Variants in SHROOM2 observed in about 807,000 individuals in gnomAD.
SHROOM2 encodes protein Shroom2.
A neutral mutation model predicts 75.9 loss-of-function variants in SHROOM2; 33 were observed. The ratio of observed to expected loss-of-function variants is 0.43; its 90% CI spans 0.33 to 0.58. The LOEUF (loss-of-function observed/expected upper bound fraction) is 0.58. SHROOM2 is among the 20% of genes least tolerant of loss of function. The pLI is 0.04. For missense variants in SHROOM2, 1,434 were observed against 1,461.2 expected (o/e 0.98, Z 0.30); for synonymous variants, 655 against 663.6 (o/e 0.99, Z 0.20).
chrX:9,935,014 C>T (rs2084687227), intron 6 of SHROOM2, among the ~76,000 whole-genome samples: 1 of 111,433 alleles, frequency 9.0e-6, no homozygotes, highest in Admixed American at 9.6e-5. Context: ...CTCAGGTGAT[C>T]TGTCTGCTTC....
At position 9,939,127 on chromosome X, in the gene SHROOM2, G is replaced by T. The variant is rs956205807; in HGVS notation, c.4140-68G>T. 9 of 988,827 alleles carry T rather than the reference G, an allele frequency of 9.1e-6. No homozygotes were observed. The African/African-American group carries it at 9.7e-5, about 11-fold the overall frequency. The allele number at this position is 988,827 out of a possible 1,213,427, so 81.5% of individuals were successfully genotyped here. A position where few individuals can be genotyped will look rare whatever the true frequency, so the allele number is the denominator to read the frequency against. ...CCAGTGTTGATTTGTCACAACCCAG[G>T]GGGTGGGGCAGAGGGGCTGTTTGCG... On this transcript the variant is annotated intron_variant, in intron 7 of 9. Coordinates refer to ENST00000380913, the MANE Select transcript of SHROOM2 (RefSeq NM_001649.4).
intron 6 of SHROOM2, among the ~76,000 whole-genome samples, chrX:9,936,131 T>G (rs368638638): frequency 1.2e-3 from 131 of 109,671 alleles, no homozygotes; most frequent in African/African-American, 4.4e-3. Context: ...GGAGTCTTGC[T>G]CTGTTGCCCA....
chrX:9,807,302 G>A (rs1221332355), intron 1 of SHROOM2, among the ~76,000 whole-genome samples: 2 of 112,304 alleles, frequency 1.8e-5, no homozygotes, highest in African/African-American at 6.5e-5. Context: ...CTGCATTCAA[G>A]CATCAAGCCT....
At position 9,911,796 on chromosome X, in the gene SHROOM2, G is replaced by A. The variant is rs149418617; in HGVS notation, c.2891+13506G>A. Among the ~76,000 whole-genome samples, 573 of 111,421 alleles carry A rather than the reference G, an allele frequency of 5.1e-3. 3 individuals carry two copies. The highest frequency in any genetic ancestry group is 0.018 in the African/African-American group (539 of 30,637). On this transcript the variant is annotated intron_variant, in intron 5 of 9. Coordinates refer to ENST00000380913, the MANE Select transcript of SHROOM2 (RefSeq NM_001649.4). ...GTGTGTAATCAACCCAAGAATATAT[G>A]GACATAGAATAGGCTGTTGAATGTT...
At chrX:9,843,672 A>G (rs907902020) in intron 1 of SHROOM2, among the ~76,000 whole-genome samples, 1 of 112,635 alleles carries the variant, frequency 8.9e-6, no homozygotes, top group Admixed American at 9.4e-5. Flanking sequence ...AAGTGCTGGG[A>G]TTACAGGCGT....
At chrX:9,823,899 T>C (rs1209110116) in intron 1 of SHROOM2, among the ~76,000 whole-genome samples, 12 of 108,671 alleles carry the variant, frequency 1.1e-4, no homozygotes, top group Admixed American at 1.1e-3. Flanking sequence ...GCTGGGACTA[T>C]AGGCATGTAC....
chrX:9,922,658 C>T (rs954422647), intron 5 of SHROOM2, among the ~76,000 whole-genome samples: 31 of 111,537 alleles, frequency 2.8e-4, no homozygotes, highest in African/African-American at 1.0e-3. Context: ...GATCCACTCA[C>T]CAGTAGGTGG....
chrX:9,901,336 G>T (rs1185459490), intron 5 of SHROOM2, among the ~76,000 whole-genome samples: 1 of 111,722 alleles, frequency 9.0e-6, no homozygotes, highest in African/African-American at 3.3e-5. Context: ...TGATTTTGTG[G>T]GGCACAGTTC....
chrX:9,871,053 C>T (rs773441871), intron 1 of SHROOM2, among the ~76,000 whole-genome samples: 246 of 111,479 alleles, frequency 2.2e-3, no homozygotes, highest in African/African-American at 7.8e-3. Context: ...ACTAAAGACC[C>T]GAAGGCTCCA....
At chrX:9,829,294 G>A (rs1267682164) in intron 1 of SHROOM2, among the ~76,000 whole-genome samples, 1 of 112,547 alleles carries the variant, frequency 8.9e-6, no homozygotes, top group Non-Finnish European at 1.9e-5. Context: ...AAAGTGCTGA[G>A]ATTACAGGCA....
chrX:9,822,979 A>G (rs750767634), intron 1 of SHROOM2, among the ~76,000 whole-genome samples: 142 of 33,635 alleles, frequency 4.2e-3, no homozygotes, highest in Non-Finnish European at 7.7e-3. Context: ...GAGAATAAGA[A>G]TAATAATTCT....
At chrX:9,901,937 G>A (rs975431335) in intron 5 of SHROOM2, among the ~76,000 whole-genome samples, 4 of 103,803 alleles carry the variant, frequency 3.9e-5, no homozygotes, top group Non-Finnish European at 7.9e-5. Flanking sequence ...TGGATGGACA[G>A]ATGGGTGGTT....
At chrX:9,896,805 C>G (rs2084335406) in intron 4 of SHROOM2, 107 bp downstream of exon 4, 2 of 884,167 alleles carry the variant, frequency 2.3e-6, no homozygotes, top group South Asian at 5.8e-5. Context: ...GCTGTGCGAG[C>G]ATTTACCTTT....
intron 2 of SHROOM2, among the ~76,000 whole-genome samples, chrX:9,884,251 C>T (rs1231458368): frequency 3.6e-5 from 4 of 111,013 alleles, no homozygotes; most frequent in Admixed American, 1.9e-4. Context: ...TCTTACTGTG[C>T]ACTTAGTTAG....
intron 8 of SHROOM2, among the ~76,000 whole-genome samples, 199 bp from the exon 9 acceptor site, chrX:9,944,442 C>T (rs2084798320): frequency 1.8e-5 from 2 of 112,186 alleles, no homozygotes; most frequent in African/African-American, 6.5e-5. Flanking sequence ...TTTTAAATGC[C>T]AATAGTGCCA....
chrX:9,891,868 GGTGTGTGTGT>G (rs113988652), intron 3 of SHROOM2, among the ~76,000 whole-genome samples: 2,396 of 103,766 alleles, frequency 0.023, 20 homozygotes, highest in African/African-American at 0.027. Context: ...GAGCATGTTT[GGTGTGTGTGT>G]GTGTGTGTGT....
chrX:9,844,686 G>T (rs2083996450), intron 1 of SHROOM2, among the ~76,000 whole-genome samples: 2 of 110,040 alleles, frequency 1.8e-5, no homozygotes, highest in Admixed American at 2.0e-4. Flanking sequence ...GTGGTGGCGG[G>T]TACCTGTAAT....
rs751717393 is a variant in SHROOM2, at chrX:9,869,084, G to A, written c.166-4568G>A. On this transcript the variant is annotated intron_variant, in intron 1 of 9. Transcript: ENST00000380913. ...CAATTCTCATGCCTCAGCTTCCCGA[G>A]TAGCTGGGATTACAGGCATGCGCCA... is the stretch of plus-strand genomic sequence containing the variant. Among the ~76,000 whole-genome samples the A allele has an allele frequency of 7.2e-5, 8 of 111,297 alleles. 1 individual carries two copies. The highest frequency in any genetic ancestry group is 2.6e-4 in the African/African-American group (8 of 30,641).
At chrX:9,855,083 A>T (rs2084060354) in intron 1 of SHROOM2, among the ~76,000 whole-genome samples, 1 of 108,151 alleles carries the variant, frequency 9.2e-6, no homozygotes, top group Non-Finnish European at 1.9e-5. Context: ...AAAAAAAAAA[A>T]AAAAGGCATC....
Sources: allele counts gnomAD v4.1 joint callset (sites outside exome capture counted in the v4.1 genomes callset), GRCh38; gene constraint gnomAD v4.1.1; transcripts MANE v1.5; gene names NCBI Gene and HGNC (gene_info 2026-07-23, HGNC 2026-07-21).